ANGPT1: variants seen among roughly 807,000 people sequenced by gnomAD.
The protein encoded by ANGPT1 is angiopoietin 1, also known as angiopoietin-1.
A neutral mutation model predicts 62.2 loss-of-function variants in ANGPT1; 17 were observed. The ratio of observed to expected loss-of-function variants is 0.27; its 90% CI spans 0.19 to 0.41. The LOEUF (loss-of-function observed/expected upper bound fraction) is 0.41. Ranked by LOEUF, ANGPT1 falls within the 10% of genes least tolerant of loss-of-function variation. The pLI is 1.00. For missense variants in ANGPT1, 478 were observed against 594.9 expected (o/e 0.80, Z 2.04); for synonymous variants, 199 against 198.9 (o/e 1.00, Z 0.00).
chr8:107,474,685 C>T (rs1812463329), intron 1 of ANGPT1, among the ~76,000 whole-genome samples: 1 of 152,084 alleles, frequency 6.6e-6, no homozygotes, highest in Admixed American at 6.6e-5. Context: ...CTAGAAAACC[C>T]CATTGTCTCA....
At chr8:107,403,008 G>A (rs1378182878) in intron 1 of ANGPT1, among the ~76,000 whole-genome samples, 2 of 152,160 alleles carry the variant, frequency 1.3e-5, no homozygotes, top group East Asian at 3.9e-4. Flanking sequence ...GGATACAGGT[G>A]AGAATAACTT....
chr8:107,475,920 A>G (rs192200745), intron 1 of ANGPT1, among the ~76,000 whole-genome samples: 19 of 152,352 alleles, frequency 1.2e-4, no homozygotes, highest in Non-Finnish European at 2.1e-4. Flanking sequence ...TCGATCATTA[A>G]AAAGTCAGTA....
intron 1 of ANGPT1, among the ~76,000 whole-genome samples, chr8:107,414,181 G>A (rs1449492703): frequency 6.6e-6 from 1 of 152,082 alleles, no homozygotes. Flanking sequence ...AGTTCTTTGG[G>A]ATCAGGATGG....
chr8:107,451,978 T>G (rs182471678), intron 1 of ANGPT1, among the ~76,000 whole-genome samples: 1 of 152,026 alleles, frequency 6.6e-6, no homozygotes, highest in African/African-American at 2.4e-5. Context: ...TTCCTAAATT[T>G]TTATTTTATA....
intron 1 of ANGPT1, among the ~76,000 whole-genome samples, chr8:107,419,029 A>G (rs79426302): frequency 0.14 from 21,287 of 152,212 alleles, 1,687 homozygotes; most frequent in Non-Finnish European, 0.19. Context: ...GAACAAACTG[A>G]TATGTGTACA....
rs115114848 is a variant in ANGPT1, at chr8:107,367,773, C to T, written c.298-20676G>A. On this transcript the variant is annotated intron_variant, in intron 1 of 8. Transcript: ENST00000517746. Reference sequence around the variant, plus strand: ...GATTCCATGTAAAGAAACCACTTTCCATAAGAAGCAACTCCTCATCTATTT... The same window carrying T: ...GATTCCATGTAAAGAAACCACTTTCTATAAGAAGCAACTCCTCATCTATTT... 3.9e-3 allele frequency among the ~76,000 whole-genome samples: 589 copies of T among 152,302 alleles called. 4 individuals are homozygous for T. Among genetic ancestry groups the T allele is most frequent in the African/African-American group, 0.013 (555 of 41,556 alleles).
At chr8:107,325,394 C>A (rs1202259165) in intron 3 of ANGPT1, among the ~76,000 whole-genome samples, 1 of 152,140 alleles carries the variant, frequency 6.6e-6, no homozygotes, top group East Asian at 1.9e-4. Context: ...CTTTTAAATT[C>A]ATAGGCGTTA....
chr8:107,377,314 A>G (rs1046525030), intron 1 of ANGPT1, among the ~76,000 whole-genome samples: 5 of 152,198 alleles, frequency 3.3e-5, no homozygotes, highest in Non-Finnish European at 7.3e-5. Context: ...TTGTTCAACA[A>G]TGAACAGGCC....
At chr8:107,370,519 C>T (rs929014679) in intron 1 of ANGPT1, among the ~76,000 whole-genome samples, 5 of 148,686 alleles carry the variant, frequency 3.4e-5, no homozygotes, top group African/African-American at 1.2e-4. Flanking sequence ...TGAAACCAGC[C>T]TGCCCAACAT....
At chr8:107,490,331 C>A (rs761458229) in intron 1 of ANGPT1, among the ~76,000 whole-genome samples, 2 of 152,208 alleles carry the variant, frequency 1.3e-5, no homozygotes, top group East Asian at 3.9e-4. Flanking sequence ...ACTTGTTTAT[C>A]CACAGGCTGC....
chr8:107,491,543 A>G (rs1812955147), intron 1 of ANGPT1, among the ~76,000 whole-genome samples: 1 of 152,184 alleles, frequency 6.6e-6, no homozygotes, highest in Non-Finnish European at 1.5e-5. Context: ...ACCTGAATGA[A>G]GAGAAGTAGC....
intron 1 of ANGPT1, among the ~76,000 whole-genome samples, chr8:107,389,153 G>A (rs902147880): frequency 2.0e-5 from 3 of 152,124 alleles, no homozygotes; most frequent in Non-Finnish European, 4.4e-5. Context: ...AATTTACTGA[G>A]CCTGGAAAGC....
intron 2 of ANGPT1, among the ~76,000 whole-genome samples, chr8:107,340,623 C>G (rs1815673734): frequency 6.6e-6 from 1 of 151,528 alleles, no homozygotes; most frequent in East Asian, 1.9e-4. Context: ...ACTGCAGCCT[C>G]TTGGGCTCCG....
intron 1 of ANGPT1, among the ~76,000 whole-genome samples, chr8:107,437,667 C>T (rs996175018): frequency 7.2e-5 from 11 of 152,062 alleles, no homozygotes; most frequent in African/African-American, 2.2e-4. Context: ...ATTAAACATG[C>T]TAAAAACATT....
chr8:107,458,664 C>T (rs1811987449), intron 1 of ANGPT1, among the ~76,000 whole-genome samples: 1 of 152,016 alleles, frequency 6.6e-6, no homozygotes, highest in African/African-American at 2.4e-5. Flanking sequence ...AACAATATAA[C>T]ATTCTGTTAT....
intron 1 of ANGPT1, among the ~76,000 whole-genome samples, chr8:107,445,423 A>G (rs1021435220): frequency 6.6e-6 from 1 of 152,186 alleles, no homozygotes; most frequent in Non-Finnish European, 1.5e-5. Flanking sequence ...TTCCTTCAAG[A>G]GTTATAATTT....
intron 1 of ANGPT1, among the ~76,000 whole-genome samples, chr8:107,408,474 A>G (rs1817194579): frequency 6.6e-6 from 1 of 151,432 alleles, no homozygotes; most frequent in Non-Finnish European, 1.5e-5. Flanking sequence ...GATACTAAAA[A>G]GAGTCTTCGT....
chr8:107,316,238 G>C (rs2130038745), intron 4 of ANGPT1, among the ~76,000 whole-genome samples: 1 of 151,996 alleles, frequency 6.6e-6, no homozygotes, highest in Non-Finnish European at 1.5e-5. Context: ...TTCTTTCCTA[G>C]AGATCACTTT....
intron 1 of ANGPT1, among the ~76,000 whole-genome samples, chr8:107,374,948 T>G (rs1287056599): frequency 6.6e-6 from 1 of 152,056 alleles, no homozygotes; most frequent in Non-Finnish European, 1.5e-5. Flanking sequence ...GATCACGAGG[T>G]CAGGAGATTC....
Sources: allele counts gnomAD v4.1 joint callset (sites outside exome capture counted in the v4.1 genomes callset), GRCh38; gene constraint gnomAD v4.1.1; transcripts MANE v1.5; gene names NCBI Gene and HGNC (gene_info 2026-07-23, HGNC 2026-07-21).